FAF1: variants seen among roughly 807,000 people sequenced by gnomAD.
The protein encoded by FAF1 is Fas associated factor 1.
FAF1 carries 25 observed loss-of-function variants against 92.5 expected under a neutral mutation model. That is an observed-to-expected ratio of 0.27 (90% CI 0.20 to 0.38). The LOEUF is 0.38. FAF1 is among the 10% of genes least tolerant of loss of function. The pLI, the probability that FAF1 is intolerant of heterozygous loss-of-function variation, is 1.00. For missense variants in FAF1, 636 were observed against 793.3 expected (o/e 0.80, Z 2.38); for synonymous variants, 234 against 273.2 (o/e 0.86, Z 1.42).
At chr1:50,678,729 G>A (rs538176691) in intron 7 of FAF1, among the ~76,000 whole-genome samples, 72 of 129,428 alleles carry the variant, frequency 5.6e-4, no homozygotes, top group African/African-American at 2.1e-3. Flanking sequence ...GCAGTGAACC[G>A]AGACTGTGCC....
At chr1:50,683,186 GT>G (rs1286256484) in intron 7 of FAF1, among the ~76,000 whole-genome samples, 1 of 151,980 alleles carries the variant, frequency 6.6e-6, no homozygotes, top group Non-Finnish European at 1.5e-5. Flanking sequence ...ATACATCATG[GT>G]TATGGAGGAT....
chr1:50,456,430 C>G (rs540903653), intron 18 of FAF1, among the ~76,000 whole-genome samples: 1 of 152,068 alleles, frequency 6.6e-6, no homozygotes, highest in African/African-American at 2.4e-5. Flanking sequence ...CCAAGACCAC[C>G]GTAAGGAGGA....
chr1:50,481,130 G>T (rs772674889), intron 17 of FAF1, among the ~76,000 whole-genome samples: 14 of 152,062 alleles, frequency 9.2e-5, no homozygotes, highest in Non-Finnish European at 1.5e-4. Flanking sequence ...TAATCAGAAA[G>T]TTAAAAAAAT....
chr1:50,556,856 TATAAAATAAA>T (rs998661342), intron 13 of FAF1, among the ~76,000 whole-genome samples: 13 of 151,152 alleles, frequency 8.6e-5, no homozygotes, highest in Non-Finnish European at 1.5e-4. Context: ...AATAAAATAA[TATAAAATAAA>T]ATAAAATAAA....
intron 7 of FAF1, among the ~76,000 whole-genome samples, chr1:50,659,965 ATAAT>A (rs1456910581): frequency 1.3e-5 from 2 of 152,224 alleles, no homozygotes; most frequent in African/African-American, 4.8e-5. Flanking sequence ...TTTATATACT[ATAAT>A]TAATGTGAAA....
At chr1:50,478,846 T>A (rs1156584346) in intron 17 of FAF1, among the ~76,000 whole-genome samples, 1 of 152,234 alleles carries the variant, frequency 6.6e-6, no homozygotes, top group Non-Finnish European at 1.5e-5. Context: ...TTCAAAATCA[T>A]GTATTTTGTA....
rs757879012 is a variant in FAF1, at chr1:50,535,354, T to A, written c.1494+15A>T. On this transcript the variant is annotated intron_variant, in intron 15 of 18. Transcript: ENST00000396153. ...AATCTCATCAAAATCCTATTAAAGA[T>A]CTGCATAACCTTACCTCGTCCTTTA... The A allele has an allele frequency of 2.6e-6, 4 of 1,538,816 alleles. No individual in the cohort carries two copies. In the South Asian group the frequency reaches 3.4e-5, roughly 13 times the overall value.
intron 13 of FAF1, among the ~76,000 whole-genome samples, chr1:50,554,390 T>TATATATAGAGAGAGAG: frequency 2.1e-4 from 20 of 93,686 alleles, no homozygotes; most frequent in African/African-American, 7.1e-4. Flanking sequence ...TATATATATA[T>TATATATAGAGAGAGAG]AGAGAGAGAG....
chr1:50,675,163 T>A (rs1340884892), intron 7 of FAF1, among the ~76,000 whole-genome samples: 1 of 152,232 alleles, frequency 6.6e-6, no homozygotes, highest in East Asian at 1.9e-4. Flanking sequence ...GCACTGGGAT[T>A]ACAGGCGTGA....
chr1:50,826,165 G>A (rs567468750), intron 2 of FAF1, among the ~76,000 whole-genome samples: 12 of 152,144 alleles, frequency 7.9e-5, no homozygotes, highest in Admixed American at 2.0e-4. Flanking sequence ...AGATAAATAC[G>A]AAAAATTTTA....
At chr1:50,749,282 C>CA (rs1320788914) in intron 4 of FAF1, among the ~76,000 whole-genome samples, 2 of 152,142 alleles carry the variant, frequency 1.3e-5, no homozygotes, top group African/African-American at 4.8e-5. Flanking sequence ...GACCTGACAC[C>CA]ACCTTCTTAC....
chr1:50,466,069 A>G (rs1417569084), intron 18 of FAF1, among the ~76,000 whole-genome samples: 1 of 152,176 alleles, frequency 6.6e-6, no homozygotes, highest in Non-Finnish European at 1.5e-5. Context: ...TTTTTTGAAA[A>G]CAAGATTGAA....
intron 15 of FAF1, among the ~76,000 whole-genome samples, chr1:50,524,054 A>AT (rs796280149): frequency 0.012 from 1,761 of 143,536 alleles, 31 homozygotes; most frequent in African/African-American, 0.035. Flanking sequence ...GCTAGCATCT[A>AT]TTTTTTTTTT....
intron 8 of FAF1, among the ~76,000 whole-genome samples, chr1:50,608,908 A>T (rs890202923): frequency 6.6e-6 from 1 of 152,178 alleles, no homozygotes; most frequent in African/African-American, 2.4e-5. Context: ...GTAAAGTCTT[A>T]TAAGTTACAA....
chr1:50,642,646 C>T (rs1325638059), intron 8 of FAF1, among the ~76,000 whole-genome samples: 1 of 151,950 alleles, frequency 6.6e-6, no homozygotes, highest in Non-Finnish European at 1.5e-5. Flanking sequence ...GAGACTCCAT[C>T]TAAAAAATAA....
chr1:50,954,263 C>G (rs745577977), intron 1 of FAF1, among the ~76,000 whole-genome samples: 21 of 152,200 alleles, frequency 1.4e-4, no homozygotes, highest in Admixed American at 3.3e-4. Flanking sequence ...AAGGGCTTCT[C>G]AGAAAGTCTA....
chr1:50,614,104 A>C (rs1652798372), intron 8 of FAF1, among the ~76,000 whole-genome samples: 1 of 152,138 alleles, frequency 6.6e-6, no homozygotes, highest in South Asian at 2.1e-4. Flanking sequence ...TGAAAAAAAA[A>C]GAAAAAAAAC....
intron 2 of FAF1, among the ~76,000 whole-genome samples, chr1:50,850,191 A>G (rs1035440867): frequency 6.6e-6 from 1 of 152,206 alleles, no homozygotes; most frequent in Non-Finnish European, 1.5e-5. Context: ...GAGATCTATA[A>G]TAGCAAAAAA....
At chr1:50,868,573 G>C (rs980607361) in intron 1 of FAF1, among the ~76,000 whole-genome samples, 1 of 152,030 alleles carries the variant, frequency 6.6e-6, no homozygotes, top group South Asian at 2.1e-4. Context: ...CACTGCTGTA[G>C]CTACATCTCA....
Sources: gnomAD v4.1 joint callset for allele counts (sites outside exome capture counted in the v4.1 genomes callset) on GRCh38, gnomAD v4.1.1 for gene constraint, MANE v1.5 for transcripts, NCBI Gene and HGNC (gene_info 2026-07-23, HGNC 2026-07-21) for gene names.